HDX: variants seen among roughly 807,000 people sequenced by gnomAD.
HDX encodes the protein chromosome X open reading frame 43.
In HDX, 19 loss-of-function variants were observed where a neutral mutation model predicts 45.2. That is an observed-to-expected ratio of 0.42 (90% CI 0.29 to 0.62). The LOEUF (loss-of-function observed/expected upper bound fraction) is 0.62, where lower values mean the gene tolerates loss of function less well. Ranked by LOEUF, HDX falls within the 20% of genes least tolerant of loss-of-function variation. The pLI, the probability that HDX is intolerant of heterozygous loss-of-function variation, is 0.20. For synonymous variants in HDX, 188 were observed against 172.8 expected (o/e 1.09, Z -0.69); for missense variants, 532 against 493.9 (o/e 1.08, Z -0.73).
intron 4 of HDX, among the ~76,000 whole-genome samples, chrX:84,467,816 C>A (rs187657470): frequency 1.6e-4 from 18 of 110,856 alleles, no homozygotes; most frequent in Non-Finnish European, 3.4e-4. Flanking sequence ...TGAAGCATAC[C>A]TGAACAATTG....
chrX:84,397,833 C>T (rs770021978), intron 5 of HDX, among the ~76,000 whole-genome samples: 5 of 111,430 alleles, frequency 4.5e-5, no homozygotes, highest in African/African-American at 1.6e-4. Context: ...AAGAATTGTC[C>T]TATAACAAGA....
At chrX:84,416,404 A>G (rs1194721773) in intron 5 of HDX, among the ~76,000 whole-genome samples, 2 of 111,903 alleles carry the variant, frequency 1.8e-5, no homozygotes, top group Non-Finnish European at 3.8e-5. Flanking sequence ...AAAAATTTTC[A>G]GAGATGGTGA....
intron 6 of HDX, among the ~76,000 whole-genome samples, chrX:84,345,841 G>A (rs900122019): frequency 1.8e-5 from 2 of 111,290 alleles, no homozygotes; most frequent in African/African-American, 3.3e-5. Context: ...TCATAGGTGT[G>A]TGTAGTAACA....
intron 5 of HDX, among the ~76,000 whole-genome samples, chrX:84,429,578 T>C (rs1245876495): frequency 9.0e-6 from 1 of 110,807 alleles, no homozygotes; most frequent in Non-Finnish European, 1.9e-5. Flanking sequence ...TTAAATTAAA[T>C]ACCATGGGAT....
intron 5 of HDX, among the ~76,000 whole-genome samples, chrX:84,382,145 G>A (rs775788709): frequency 7.5e-4 from 83 of 111,273 alleles, no homozygotes; most frequent in African/African-American, 2.6e-3. Flanking sequence ...CTACAATGAG[G>A]CATTATCTTA....
intron 5 of HDX, among the ~76,000 whole-genome samples, chrX:84,389,554 A>C (rs2038395170): frequency 1.8e-5 from 2 of 111,548 alleles, no homozygotes; most frequent in African/African-American, 6.5e-5. Flanking sequence ...TTCTGGCCGC[A>C]CTGAGGGATC....
chrX:84,448,009 T>C (rs2039909941), intron 4 of HDX, among the ~76,000 whole-genome samples: 1 of 111,555 alleles, frequency 9.0e-6, no homozygotes, highest in Non-Finnish European at 1.9e-5. Flanking sequence ...ATCACCATGC[T>C]CCAGCCTACC....
At chrX:84,373,851 G>C (rs1321882805) in intron 5 of HDX, among the ~76,000 whole-genome samples, 1 of 110,929 alleles carries the variant, frequency 9.0e-6, no homozygotes, top group Admixed American at 9.6e-5. Context: ...ACTGGCACAA[G>C]ACAGGGATGC....
At position 84,431,625 on chromosome X, in the gene HDX, A is replaced by G. The variant is rs980983395; in HGVS notation, c.1305+8907T>C. 7.2e-5 allele frequency among the ~76,000 whole-genome samples: 8 copies of G among 111,156 alleles called. No homozygotes were observed. The Admixed American group carries it at 7.6e-4, about 11-fold the overall frequency. ...GAGCATTTTCATATGCATTTTAGCT[A>G]TTTGTATATATTCTTTTGAAAGTGA... On this transcript the variant is annotated intron_variant, in intron 5 of 10. Coordinates refer to ENST00000373177, the MANE Select transcript of HDX (RefSeq NM_001177479.2).
intron 1 of HDX, among the ~76,000 whole-genome samples, chrX:84,501,017 A>AC (rs1452212049): frequency 2.5e-5 from 2 of 80,293 alleles, no homozygotes; most frequent in Non-Finnish European, 4.5e-5. Flanking sequence ...TAAAGGAGGA[A>AC]CGTGTGAGAA....
chrX:84,442,041 A>G (rs899076178), intron 4 of HDX, among the ~76,000 whole-genome samples: 3 of 110,987 alleles, frequency 2.7e-5, no homozygotes, highest in African/African-American at 9.8e-5. Flanking sequence ...TTACAAAGAC[A>G]AAGTAGTCTG....
At position 84,361,584 on chromosome X, in the gene HDX, C is replaced by T. The variant is rs145819261; in HGVS notation, c.1334G>A (p.Arg445Gln). The change falls in exon 6 of 11, where the codon CGA becomes CAA. Residue 445 changes from arginine to glutamine, a missense_variant. By Grantham distance (43) the Arg-to-Gln change is conservative (BLOSUM62 1). This residue lies in a region of HDX where 376 missense variants were observed against 343.7 expected (regional missense o/e 1.09). Coordinates refer to ENST00000373177, the MANE Select transcript of HDX (RefSeq NM_001177479.2). The stretch of plus-strand genomic sequence containing the variant: ...ATACTTCTTAAGGGTGGCTAAGTCT[C>T]GGTCACTGAACTGAGTGCGGTCCTG... Reference protein sequence around the residue: ...ALQDRTQFSDRDLATLKKYWD... With the variant: ...ALQDRTQFSDQDLATLKKYWD... 22 of 1,199,301 alleles carry T rather than the reference C, an allele frequency of 1.8e-5. No individual in the cohort carries two copies. Among genetic ancestry groups the T allele is most frequent in the African/African-American group, 7.0e-5 (4 of 56,900 alleles).
chrX:84,361,585 G>A lies in HDX; in HGVS notation c.1333C>T (p.Arg445Ter), dbSNP rs1233675238. Residue 445 changes from arginine (R) to a stop codon, truncating the protein, a stop_gained, in exon 6 of 11, where the codon CGA becomes TGA. Transcript: ENST00000373177. LOFTEE classifies it high-confidence loss of function. ...ALQDRTQFSD[R>*]DLATLKKYWD... ...TACTTCTTAAGGGTGGCTAAGTCTC[G>A]GTCACTGAACTGAGTGCGGTCCTGT... 1.7e-6 allele frequency: 2 copies of A among 1,198,755 alleles called. No homozygotes were observed. Among genetic ancestry groups the A allele is most frequent in the Admixed American group, 2.2e-5 (1 of 45,260 alleles).
rs182049583 is a variant in HDX at position 84,342,754 on chromosome X, G to A, written c.1660+1496C>T. ...AACTATAAGGATACTAGAGGCAAAT[G>A]TGGGGGTATATTTACATAATTGTAG... On this transcript the variant is annotated intron_variant, in intron 7 of 10. Transcript: ENST00000373177. Among the ~76,000 whole-genome samples the A allele has an allele frequency of 1.5e-3, 172 of 111,291 alleles. 1 individual carries two copies. The highest frequency in any genetic ancestry group is 5.3e-3 in the African/African-American group (161 of 30,652).
intron 5 of HDX, among the ~76,000 whole-genome samples, chrX:84,423,636 C>T (rs764875498): frequency 1.0e-3 from 112 of 111,309 alleles, no homozygotes; most frequent in African/African-American, 3.6e-3. Context: ...AGATTTACCC[C>T]TAAGATGCAA....
chrX:84,423,380 A>C (rs980735657), intron 5 of HDX, among the ~76,000 whole-genome samples: 3 of 109,764 alleles, frequency 2.7e-5, no homozygotes, highest in African/African-American at 9.9e-5. Context: ...AACTAATACC[A>C]ATCCTACTTA....
At chrX:84,499,799 C>T (rs1045950469) in intron 1 of HDX, among the ~76,000 whole-genome samples, 27 of 110,670 alleles carry the variant, frequency 2.4e-4, no homozygotes, top group Admixed American at 1.1e-3. Flanking sequence ...ACGAGCTCTG[C>T]AGAAGAATGC....
At chrX:84,500,262 T>C (rs1219592321) in intron 1 of HDX, 1 of 109,491 alleles carries the variant, frequency 9.1e-6, no homozygotes, top group Non-Finnish European at 1.9e-5. Context: ...TGTATACAGT[T>C]CTCTCTATAA....
At chrX:84,443,678 T>G (rs1474378849) in intron 4 of HDX, among the ~76,000 whole-genome samples, 1 of 112,022 alleles carries the variant, frequency 8.9e-6, no homozygotes, top group African/African-American at 3.2e-5. Flanking sequence ...TAAACGTGGC[T>G]TAGAATAAAT....
Sources: allele counts gnomAD v4.1 joint callset (sites outside exome capture counted in the v4.1 genomes callset), GRCh38; gene constraint gnomAD v4.1.1; regional missense constraint gnomAD v4.1.1; transcripts MANE v1.5; gene names NCBI Gene and HGNC (gene_info 2026-07-23, HGNC 2026-07-21).